Variants in TNS1 observed in about 807,000 individuals in gnomAD.
TNS1 encodes tensin-1.
A neutral mutation model predicts 168.6 loss-of-function variants in TNS1; 62 were observed. The ratio of observed to expected loss-of-function variants is 0.37; its 90% CI spans 0.30 to 0.45. The LOEUF is 0.45. Ranked by LOEUF, TNS1 falls within the 20% of genes least tolerant of loss-of-function variation. TNS1 has a pLI of 1.00. For synonymous variants in TNS1, 934 were observed against 933.2 expected (o/e 1.00, Z -0.02); for missense variants, 2,240 against 2,339.4 (o/e 0.96, Z 0.88).
rs753462749 is a variant in TNS1, at chr2:217,991,037, G to A, written c.53C>T (p.Pro18Leu). The change falls in exon 2 of 33, where the codon CCC becomes CTC. Residue 18 changes from proline to leucine, a missense_variant. Pro to Leu is a moderately conservative substitution (Grantham distance 98). Around this residue, in one of 2 missense-constraint regions of TNS1, gnomAD observed 2,131 missense variants for 2,171.2 expected, o/e 0.98. Transcript: ENST00000682258. Reference sequence around the variant, plus strand: ...CTTCACCTTGAAGCGGTGTGTCTTGGGGGCCTCCAGATCCTCTGGCTGTGG... The same window carrying A: ...CTTCACCTTGAAGCGGTGTGTCTTGAGGGCCTCCAGATCCTCTGGCTGTGG... Reference protein sequence around the residue: ...CMLWPEDLEAPKTHRFKVKTF... With the variant: ...CMLWPEDLEALKTHRFKVKTF... The A allele has an allele frequency of 6.7e-5, 46 of 685,532 alleles. No homozygotes were observed. The highest frequency in any genetic ancestry group is 3.2e-5 in the Non-Finnish European group (12 of 372,562). The allele number at this position is 685,532 out of a possible 1,614,324, so 42.5% of individuals were successfully genotyped here. A position where few individuals can be genotyped will look rare whatever the true frequency, so the allele number is the denominator to read the frequency against.
intron 3 of TNS1, among the ~76,000 whole-genome samples, chr2:217,927,963 C>A (rs1469238297): frequency 6.6e-6 from 1 of 152,216 alleles, no homozygotes; most frequent in African/African-American, 2.4e-5. Flanking sequence ...AGGCAGGTGA[C>A]CCTCCTATCT....
intron 18 of TNS1, among the ~76,000 whole-genome samples, chr2:217,863,229 G>A (rs746916923): frequency 1.3e-5 from 2 of 151,962 alleles, no homozygotes; most frequent in Non-Finnish European, 2.9e-5. Flanking sequence ...TCCAGTGAAA[G>A]ACTACTTCAC....
At chr2:217,828,792 A>G (rs1943979768) in intron 22 of TNS1, among the ~76,000 whole-genome samples, 1 of 152,236 alleles carries the variant, frequency 6.6e-6, no homozygotes, top group Admixed American at 6.5e-5. Flanking sequence ...GCATTATTGT[A>G]TACACGGTGA....
intron 7 of TNS1, among the ~76,000 whole-genome samples, chr2:217,898,276 T>A (rs962388277): frequency 1.3e-5 from 2 of 152,184 alleles, no homozygotes; most frequent in Non-Finnish European, 2.9e-5. Context: ...AACCTGTGAC[T>A]CCAGAGCTCA....
At chr2:218,023,333 TC>T (rs546172308) in intron 1 of TNS1, among the ~76,000 whole-genome samples, 107 of 152,152 alleles carry the variant, frequency 7.0e-4, no homozygotes, top group African/African-American at 2.4e-3. Context: ...GGCCTCAACT[TC>T]CCCCTCTGTG....
At chr2:217,851,552 G>C (rs575498062) in intron 18 of TNS1, among the ~76,000 whole-genome samples, 71 of 152,160 alleles carry the variant, frequency 4.7e-4, no homozygotes, top group African/African-American at 1.6e-3. Context: ...CCAAGGCTTT[G>C]GGACCTCAGC....
intron 3 of TNS1, among the ~76,000 whole-genome samples, chr2:217,946,301 T>C (rs980163683): frequency 6.6e-6 from 1 of 152,126 alleles, no homozygotes; most frequent in Non-Finnish European, 1.5e-5. Flanking sequence ...TGACATGCAG[T>C]GGGTCAGGTG....
chr2:217,830,257 TA>T (rs1574675713), intron 22 of TNS1: 1 of 1,403,138 alleles, frequency 7.1e-7, no homozygotes, highest in East Asian at 2.3e-5. Flanking sequence ...AGCCCCCTTC[TA>T]CTGATCCCCC....
intron 18 of TNS1, chr2:217,859,353 T>TC (rs1270332274): frequency 2.4e-6 from 1 of 410,644 alleles, no homozygotes; most frequent in Non-Finnish European, 4.3e-6. Flanking sequence ...AATCTTTTTT[T>TC]CCCTCTCTCT....
chr2:217,907,207 C>T lies in TNS1; in HGVS notation c.270+3G>A. ...TCCCCCACCACCACCTGCCATCACTCACCTTGTCCACTACATTCTTTGGTG... is the reference window on the plus strand; with the variant it reads ...TCCCCCACCACCACCTGCCATCACTTACCTTGTCCACTACATTCTTTGGTG... On this transcript the variant is annotated splice_donor_region_variant and intron_variant, in intron 5 of 32. Coordinates refer to ENST00000682258, the MANE Select transcript of TNS1 (RefSeq NM_001387777.1). 1 of 703,196 alleles carries T rather than the reference C, an allele frequency of 1.4e-6. No individual in the cohort carries two copies. Among genetic ancestry groups the T allele is most frequent in the Non-Finnish European group, 2.6e-6 (1 of 385,016 alleles). 43.6% of individuals were successfully genotyped at this position (703,196 alleles called of 1,614,324 possible).
intron 3 of TNS1, among the ~76,000 whole-genome samples, chr2:217,934,252 G>C (rs1238567949): frequency 6.6e-6 from 1 of 152,172 alleles, no homozygotes; most frequent in African/African-American, 2.4e-5. Flanking sequence ...GGGGTGTGAA[G>C]GCATAGGTGA....
upstream of TNS1, among the ~76,000 whole-genome samples, chr2:218,011,900 G>C (rs1305525856): frequency 6.6e-6 from 1 of 152,126 alleles, no homozygotes; most frequent in African/African-American, 2.4e-5. Flanking sequence ...CAGCAAGGGG[G>C]ATCACTCAAC....
rs1958904203 is a variant in TNS1 at position 218,032,166 on chromosome 2, G to A, written c.156+1654C>T. 1.3e-5 allele frequency among the ~76,000 whole-genome samples: 2 copies of A among 152,210 alleles called. No individual in the cohort carries two copies. Among genetic ancestry groups the A allele is most frequent in the South Asian group, 2.1e-4 (1 of 4,830 alleles). ...TAGAGAGGCCACCTGGGAGGGGCAG[G>A]GCCCACAGCTGCAGGCACTGACAAC... On this transcript the variant is annotated intron_variant, in intron 1 of 1. Transcript: ENST00000649572. The surrounding 1 kb of genome is among the most constrained non-coding windows in gnomAD (Gnocchi z 4.0).
Position 217,822,840 on chromosome 2 carries a change from G to A in TNS1, c.3374-902C>T, listed in dbSNP as rs141581041. On this transcript the variant is annotated intron_variant, in intron 22 of 32. Transcript: ENST00000682258. ...CGGCCTCTGAGGCCAGCTCCCAAACGAACTCCGCTTGAAAGAGGAAGAAGC... is the reference window on the plus strand; with the variant it reads ...CGGCCTCTGAGGCCAGCTCCCAAACAAACTCCGCTTGAAAGAGGAAGAAGC... Among the ~76,000 whole-genome samples the A allele has an allele frequency of 6.6e-3, 1,005 of 152,264 alleles. 4 individuals are homozygous for A. The highest frequency in any genetic ancestry group is 0.011 in the Non-Finnish European group (755 of 68,016).
At chr2:218,012,128 C>G (rs999854151), upstream of TNS1, among the ~76,000 whole-genome samples, 2 of 152,122 alleles carry the variant, frequency 1.3e-5, no homozygotes, top group African/African-American at 4.8e-5. Flanking sequence ...TCTATAGCTT[C>G]CCTACTCCTT....
At chr2:217,892,917 C>G in intron 11 of TNS1, 31 bp downstream of exon 11, 1 of 1,612,528 alleles carries the variant, frequency 6.2e-7, no homozygotes, top group East Asian at 2.2e-5. Context: ...TGTCGATGTT[C>G]AGAGGATGGG....
At chr2:217,901,446 G>A (rs765619603) in intron 6 of TNS1, among the ~76,000 whole-genome samples, 3 of 152,146 alleles carry the variant, frequency 2.0e-5, no homozygotes, top group Non-Finnish European at 4.4e-5. Flanking sequence ...AATGAAAAGG[G>A]TAGTTACAAC....
At chr2:217,834,735 G>C (rs1233497490) in intron 21 of TNS1, among the ~76,000 whole-genome samples, 1 of 152,230 alleles carries the variant, frequency 6.6e-6, no homozygotes, top group African/African-American at 2.4e-5. Flanking sequence ...CAAAGTCAAA[G>C]TCAAGTCACA....
chr2:217,922,821 C>T (rs1250793473), intron 3 of TNS1, among the ~76,000 whole-genome samples: 2 of 152,228 alleles, frequency 1.3e-5, no homozygotes, highest in African/African-American at 4.8e-5. Flanking sequence ...GGTGCCCCCT[C>T]GTGGCCTGCC....
Sources: allele counts gnomAD v4.1 joint callset (sites outside exome capture counted in the v4.1 genomes callset), GRCh38; gene constraint gnomAD v4.1.1; regional missense constraint gnomAD v4.1.1; non-coding constraint Gnocchi (gnomAD v3.1); transcripts MANE v1.5; gene names NCBI Gene and HGNC (gene_info 2026-07-23, HGNC 2026-07-21).